Variants in RPL4 observed in about 807,000 individuals in gnomAD.
The protein encoded by RPL4 is large ribosomal subunit protein uL4.
A neutral mutation model predicts 47.7 loss-of-function variants in RPL4; 3 were observed. That is an observed-to-expected ratio of 0.06 (90% CI 0.03 to 0.16). The LOEUF is 0.16. RPL4 is among the 10% of genes least tolerant of loss of function. The pLI is 1.00. For missense variants in RPL4, 413 were observed against 551.3 expected (o/e 0.75, Z 2.51); for synonymous variants, 208 against 182.1 (o/e 1.14, Z -1.15).
rs1302811053 is a variant in RPL4, at chr15:66,499,205, A to T, written c.*202T>A. ...CACTGAACTCCATGGACTTAGTATA[A>T]ATCCATGCCCCATTTTATACCACAC... On this transcript the variant is annotated 3_prime_UTR_variant, in exon 10 of 10. Coordinates refer to ENST00000307961, the MANE Select transcript of RPL4 (RefSeq NM_000968.4). 16 of 603,806 alleles carry T rather than the reference A, an allele frequency of 2.6e-5. No homozygotes were observed. Among genetic ancestry groups the T allele is most frequent in the Non-Finnish European group, 4.5e-5 (16 of 353,970 alleles). The allele number at this position is 603,806 out of a possible 1,614,324, so 37.4% of individuals were successfully genotyped here.
In RPL4 at chr15:66,498,924, C is replaced by T. The variant is rs1893535324; in HGVS notation, c.*483G>A. 1.3e-5 allele frequency: 2 copies of T among 155,974 alleles called. No homozygotes were observed. Among genetic ancestry groups the T allele is most frequent in the South Asian group, 3.8e-4 (2 of 5,318 alleles). 9.7% of individuals were successfully genotyped at this position (155,974 alleles called of 1,614,324 possible). ...TTTTCAAACCATGGGTGAAAATACT[C>T]AACTCTATTGTTATAGCTGGTTAAA... On this transcript the variant is annotated 3_prime_UTR_variant, in exon 10 of 10. Transcript: ENST00000307961.
chr15:66,502,515 C>T (rs1427879378), intron 4 of RPL4, 97 bp downstream of exon 4: 5 of 1,309,500 alleles, frequency 3.8e-6, no homozygotes, highest in Non-Finnish European at 5.3e-6. Context: ...TTCTAGCCAT[C>T]TTGAAATGGG....
chr15:66,501,755 G>C (rs370145952), intron 5 of RPL4, 33 bp downstream of exon 5: 3 of 1,604,432 alleles, frequency 1.9e-6, no homozygotes, highest in Admixed American at 1.7e-5. Flanking sequence ...TGAACAAGGA[G>C]TACCAAACTG....
At chr15:66,501,974 C>G in intron 4 of RPL4, 62 bp from the exon 5 acceptor site, 1 of 1,523,854 alleles carries the variant, frequency 6.6e-7, no homozygotes, top group Non-Finnish European at 8.9e-7. Flanking sequence ...AAAAAAAAAT[C>G]AAACATTTTA....
At chr15:66,502,545 C>T in intron 4 of RPL4, 67 bp downstream of exon 4, 2 of 1,531,188 alleles carry the variant, frequency 1.3e-6, no homozygotes, top group South Asian at 1.2e-5. Flanking sequence ...ATAAAAATCA[C>T]CCTAATGATC....
intron 9 of RPL4, 136 bp downstream of exon 9, chr15:66,499,920 G>A (rs1016228334): frequency 9.5e-6 from 11 of 1,157,708 alleles, no homozygotes; most frequent in East Asian, 2.5e-5. Context: ...CTACTTGGGA[G>A]GCTGAGACAG....
In RPL4 at chr15:66,503,272, G is replaced by A. The variant is rs138683313; in HGVS notation, c.175+86C>T. The A allele has an allele frequency of 4.9e-4, 783 of 1,591,426 alleles. 4 individuals are homozygous for A. The highest frequency in any genetic ancestry group is 5.6e-4 in the Non-Finnish European group (649 of 1,159,356). The stretch of plus-strand genomic sequence containing the variant: ...TCAGAACATCCGAGAAAATCATGTG[G>A]TTCAGAAACACGGACCAATGAAGTG... On this transcript the variant is annotated intron_variant, in intron 2 of 9. Transcript: ENST00000307961.
chr15:66,504,802 G>A lies in RPL4; in HGVS notation c.-12C>T, dbSNP rs745911727. ...CTTCCACTCACCATGGCGGAGAGAG[G>A]AGACAGCCACGCTCCTCTCAGCCCG... On this transcript the variant is annotated 5_prime_UTR_variant, in exon 1 of 10. Coordinates refer to ENST00000307961, the MANE Select transcript of RPL4 (RefSeq NM_000968.4). 53 of 1,611,624 alleles carry A rather than the reference G, an allele frequency of 3.3e-5. No individual in the cohort carries two copies. The highest frequency in any genetic ancestry group is 1.6e-4 in the Middle Eastern group (1 of 6,084).
Position 66,501,173 on chromosome 15 carries a change from C to T in RPL4, c.677-68G>A. Reference sequence around the variant, plus strand: ...AAAGAAACACAAATCATCTTTATGGCTTAAGAGCTATAAAAGGTACCTGAG... The same window carrying T: ...AAAGAAACACAAATCATCTTTATGGTTTAAGAGCTATAAAAGGTACCTGAG... On this transcript the variant is annotated intron_variant, in intron 6 of 9. Coordinates refer to ENST00000307961, the MANE Select transcript of RPL4 (RefSeq NM_000968.4). 3.8e-6 allele frequency: 6 copies of T among 1,595,298 alleles called. No individual in the cohort carries two copies. In the South Asian group the frequency reaches 6.7e-5, roughly 18 times the overall value.
intron 1 of RPL4, 99 bp downstream of exon 1, chr15:66,504,689 C>T (rs763284397): frequency 5.6e-5 from 86 of 1,536,556 alleles, no homozygotes; most frequent in Non-Finnish European, 7.1e-5. Context: ...TCTCCCTCTC[C>T]TCGCTCTATC....
intron 9 of RPL4, 117 bp downstream of exon 9, chr15:66,499,939 C>T: frequency 7.7e-7 from 1 of 1,302,460 alleles, no homozygotes; most frequent in Non-Finnish European, 1.1e-6. Context: ...AGAAGAACTG[C>T]TTGAACTTGG....
At chr15:66,504,465 T>C (rs59059774) in intron 1 of RPL4, among the ~76,000 whole-genome samples, 101 of 152,210 alleles carry the variant, frequency 6.6e-4, no homozygotes, top group African/African-American at 2.4e-3. Flanking sequence ...TTAATAGAAA[T>C]GATTCCCAAG....
At chr15:66,502,441 A>T (rs983384962) in intron 4 of RPL4, 171 bp downstream of exon 4, 1 of 697,936 alleles carries the variant, frequency 1.4e-6, no homozygotes, top group African/African-American at 1.8e-5. Context: ...TCAAGATCAA[A>T]TCAGTGTAAC....
chr15:66,499,944 AC>A, intron 9 of RPL4, 111 bp downstream of exon 9: 1 of 1,331,926 alleles, frequency 7.5e-7, no homozygotes, highest in Middle Eastern at 2.7e-4. Flanking sequence ...AACTGCTTGA[AC>A]TTGGTAGGTG....
intron 1 of RPL4, among the ~76,000 whole-genome samples, chr15:66,504,420 C>G (rs887475895): frequency 3.3e-5 from 5 of 152,100 alleles, no homozygotes; most frequent in Admixed American, 3.3e-4. Flanking sequence ...TTGATAACAC[C>G]GAACAATTTT....
intron 1 of RPL4, 134 bp from the exon 2 acceptor site, chr15:66,503,663 A>C: frequency 1.3e-6 from 1 of 762,222 alleles, no homozygotes; most frequent in Non-Finnish European, 2.1e-6. Flanking sequence ...CCTTAAACCA[A>C]AATAGCAGTA....
At chr15:66,503,276 A>G (rs765412230) in intron 2 of RPL4, 82 bp downstream of exon 2, 66 of 1,592,998 alleles carry the variant, frequency 4.1e-5, no homozygotes, top group Non-Finnish European at 5.5e-5. Flanking sequence ...CATGTGGTTC[A>G]GAAACACGGA....
Position 66,498,045 on chromosome 15 carries a change from C to G in RPL4, c.*1362G>C. 1 of 360,028 alleles carries G rather than the reference C, an allele frequency of 2.8e-6. No individual in the cohort carries two copies. Among genetic ancestry groups the G allele is most frequent in the African/African-American group, 2.1e-5 (1 of 48,294 alleles). 22.3% of individuals were successfully genotyped at this position (360,028 alleles called of 1,614,324 possible). ...TTTGGCTATCCTTTAATCCGATAGG[C>G]CATTTGCGCACCAAGTGGTCAAACA... On this transcript the variant is annotated 3_prime_UTR_variant, in exon 10 of 10. Transcript: ENST00000307961.
intron 3 of RPL4, 26 bp downstream of exon 3, chr15:66,503,032 G>C: frequency 6.3e-7 from 1 of 1,595,220 alleles, no homozygotes; most frequent in Non-Finnish European, 8.6e-7. Flanking sequence ...GAGATGACCA[G>C]TCTTAGGTAG....
Sources: gnomAD v4.1 joint callset for allele counts (sites outside exome capture counted in the v4.1 genomes callset) on GRCh38, gnomAD v4.1.1 for gene constraint, MANE v1.5 for transcripts, NCBI Gene and HGNC (gene_info 2026-07-23, HGNC 2026-07-21) for gene names.